CLDND2: variants seen among roughly 807,000 people sequenced by gnomAD.
CLDND2 encodes claudin domain containing 2, also known as claudin domain-containing protein 2.
In CLDND2, 18 loss-of-function variants were observed where a neutral mutation model predicts 17.7. The ratio of observed to expected loss-of-function variants is 1.02; its 90% CI spans 0.70 to 1.51. The LOEUF (loss-of-function observed/expected upper bound fraction) is 1.51. Ranked by LOEUF, CLDND2 falls within the 40% of genes most tolerant of loss-of-function variation. The pLI, the probability that CLDND2 is intolerant of heterozygous loss-of-function variation, is 0.00. For missense variants in CLDND2, 233 were observed against 219.6 expected (o/e 1.06, Z -0.39); for synonymous variants, 113 against 93.0 (o/e 1.22, Z -1.24).
rs1481910306 is a variant in CLDND2 at position 51,367,122 on chromosome 19, C to T, written c.*20G>A. The T allele has an allele frequency of 1.2e-6, 2 of 1,613,380 alleles. No homozygotes were observed. The highest frequency in any genetic ancestry group is 1.3e-5 in the African/African-American group (1 of 74,910). On this transcript the variant is annotated 3_prime_UTR_variant, in exon 4 of 4. Coordinates refer to ENST00000291715, the MANE Select transcript of CLDND2 (RefSeq NM_152353.3). The surrounding 1 kb of genome is among the most constrained non-coding windows in gnomAD (Gnocchi z 7.4). ...CGCTAAAAAAAGCCGTTCCTTTATT[C>T]TGCCCCAGGCAGGCTGCAGTCACAG...
Position 51,367,322 on chromosome 19 carries a change from G to A in CLDND2, c.431-107C>T. ...TGGGGCTCCAAGGGGGTCTCTGCCG[G>A]GTCTGCGGGAGTCGTTAGTGTGTTG... is the stretch of plus-strand genomic sequence containing the variant. On this transcript the variant is annotated intron_variant, in intron 3 of 3. Transcript: ENST00000291715. The surrounding 1 kb of genome is among the most constrained non-coding windows in gnomAD (Gnocchi z 7.4). 7.1e-7 allele frequency: 1 copy of A among 1,401,668 alleles called. No homozygotes were observed. The highest frequency in any genetic ancestry group is 1.0e-6 in the Non-Finnish European group (1 of 1,002,180). The allele number at this position is 1,401,668 out of a possible 1,614,324, so 86.8% of individuals were successfully genotyped here. A position where few individuals can be genotyped will look rare whatever the true frequency, so the allele number is the denominator to read the frequency against.
In CLDND2 at chr19:51,368,571, C is replaced by T. The variant is rs1351339775; in HGVS notation, c.7G>A (p.Val3Met). The T allele has an allele frequency of 3.1e-6, 5 of 1,612,420 alleles. No homozygotes were observed. Among genetic ancestry groups the T allele is most frequent in the Non-Finnish European group, 4.2e-6 (5 of 1,179,534 alleles). MG[V>M]KRSLQSGGIL... ...CCCCCACTCTGGAGGCTCCGCTTCA[C>T]CCCCATGCCACTGAGGCTGCAGCCG... The change falls in exon 1 of 4, where the codon GTG becomes ATG. Residue 3 changes from valine (V) to methionine (M), a missense_variant. By Grantham distance (21) the Val-to-Met change is conservative. Transcript: ENST00000291715.
chr19:51,367,011 G>T (rs1986412550), downstream of CLDND2: 1 of 807,496 alleles, frequency 1.2e-6, no homozygotes, highest in Non-Finnish European at 2.2e-6. The surrounding 1 kb of genome is among the most constrained non-coding windows in gnomAD (Gnocchi z 7.4). Flanking sequence ...TTCCCTATGA[G>T]TTCATGTCCT....
chr19:51,368,141 G>C, intron 1 of CLDND2, 115 bp from the exon 2 acceptor site: 1 of 1,180,030 alleles, frequency 8.5e-7, no homozygotes, highest in African/African-American at 1.5e-5. Context: ...GCCAGGAGCC[G>C]AGCTCCACCG....
In CLDND2 at chr19:51,368,483, G is replaced by C. The variant is rs34633086; in HGVS notation, c.95C>G (p.Thr32Ser). ...GCCACTGTGGCCCTCTTGTTGGCGG[G>C]TCCAGTAGTTGGTGGCCGTGGAGAG... is the stretch of plus-strand genomic sequence containing the variant. ...MVLSTATNYW[T>S]RQQEGHSGLW... The change falls in exon 1 of 4, where the codon ACC becomes AGC. Residue 32 changes from threonine (T) to serine (S), a missense_variant. Transcript: ENST00000291715. 9 of 1,614,160 alleles carry C rather than the reference G, an allele frequency of 5.6e-6. No individual in the cohort carries two copies. Among genetic ancestry groups the C allele is most frequent in the Non-Finnish European group, 7.6e-6 (9 of 1,180,028 alleles).
At chr19:51,368,065 C>G in intron 1 of CLDND2, 39 bp from the exon 2 acceptor site, 1 of 1,560,908 alleles carries the variant, frequency 6.4e-7, no homozygotes, top group South Asian at 1.2e-5. Context: ...CGGGCGCCGC[C>G]CCAGTCACTA....
At position 51,367,731 on chromosome 19, in the gene CLDND2, ACT is replaced by A. The variant is rs1247552855; in HGVS notation, c.310+153_310+154del. 14 of 983,670 alleles carry A rather than the reference ACT, an allele frequency of 1.4e-5. No homozygotes were observed. The highest frequency in any genetic ancestry group is 1.7e-5 in the Non-Finnish European group (14 of 829,326). 60.9% of individuals were successfully genotyped at this position (983,670 alleles called of 1,614,324 possible). On this transcript the variant is annotated intron_variant, in intron 2 of 3. Coordinates refer to ENST00000291715, the MANE Select transcript of CLDND2 (RefSeq NM_152353.3). This position sits in a 1 kb window ranked among gnomAD's most constrained non-coding sequence, Gnocchi z 7.4. Reference sequence around the variant, plus strand: ...CCCCTTCCTGCTCCTCCCGCTCTGAACTCTGTCTCGAGCCCCGCCCACCTCTC... The same window carrying A: ...CCCCTTCCTGCTCCTCCCGCTCTGAACTGTCTCGAGCCCCGCCCACCTCTC...
Position 51,367,778 on chromosome 19 carries a change from C to T in CLDND2, c.310+108G>A, listed in dbSNP as rs113434256. 13,331 of 1,494,126 alleles carry T rather than the reference C, an allele frequency of 8.9e-3. 956 individuals carry two copies. The African/African-American group carries it at 0.16, about 18-fold the overall frequency. 92.6% of individuals were successfully genotyped at this position (1,494,126 alleles called of 1,614,324 possible). A position where few individuals can be genotyped will look rare whatever the true frequency, so the allele number is the denominator to read the frequency against. ...CCTCTCTCGGCTTCTTCCAGCCCTG[C>T]CCCTCGGATCCTGGCCGAGTACCTC... is the stretch of plus-strand genomic sequence containing the variant. On this transcript the variant is annotated intron_variant, in intron 2 of 3. Coordinates refer to ENST00000291715, the MANE Select transcript of CLDND2 (RefSeq NM_152353.3). The surrounding 1 kb of genome is among the most constrained non-coding windows in gnomAD (Gnocchi z 7.4).
chr19:51,367,586 G>A lies in CLDND2; in HGVS notation c.311-10C>T. The A allele has an allele frequency of 1.9e-6, 3 of 1,608,112 alleles. No homozygotes were observed. On this transcript the variant is annotated splice_polypyrimidine_tract_variant and intron_variant, in intron 2 of 3. Transcript: ENST00000291715. This position sits in a 1 kb window ranked among gnomAD's most constrained non-coding sequence, Gnocchi z 7.4. ...GTCAGCAGCAGCAGTCCTGGGCCCCGCCCAGCCGCAAGATGAGCTAGCTGG... is the reference window on the plus strand; with the variant it reads ...GTCAGCAGCAGCAGTCCTGGGCCCCACCCAGCCGCAAGATGAGCTAGCTGG...
At position 51,368,371 on chromosome 19, in the gene CLDND2, T is replaced by G. The variant is rs375764313; in HGVS notation, c.169+38A>C. ...CTGTGTGTCCCGAGCCCTGGGGGTC[T>G]GAAATGCCCTCTGACATCTGGGCGG... On this transcript the variant is annotated intron_variant, in intron 1 of 3. Coordinates refer to ENST00000291715, the MANE Select transcript of CLDND2 (RefSeq NM_152353.3). 2.7e-4 allele frequency: 426 copies of G among 1,580,804 alleles called. 5 individuals are homozygous for G. In the South Asian group the frequency reaches 4.7e-3, roughly 18 times the overall value.
chr19:51,366,935 T>A (rs1189152418), downstream of CLDND2, among the ~76,000 whole-genome samples: 5 of 151,666 alleles, frequency 3.3e-5, no homozygotes, highest in African/African-American at 4.8e-5. Flanking sequence ...CCCTCCCACA[T>A]GTCCCTGTTC....
Position 51,367,130 on chromosome 19 carries a change from G to A in CLDND2, c.*12C>T. ...AAAGCCGTTCCTTTATTCTGCCCCA[G>A]GCAGGCTGCAGTCACAGACACACGG... On this transcript the variant is annotated 3_prime_UTR_variant, in exon 4 of 4. Coordinates refer to ENST00000291715, the MANE Select transcript of CLDND2 (RefSeq NM_152353.3). The surrounding 1 kb of genome is among the most constrained non-coding windows in gnomAD (Gnocchi z 7.4). The A allele has an allele frequency of 6.2e-7, 1 of 1,613,820 alleles. No homozygotes were observed.
chr19:51,367,336 G>T lies in CLDND2; in HGVS notation c.430+121C>A. On this transcript the variant is annotated intron_variant, in intron 3 of 3. Transcript: ENST00000291715. This position sits in a 1 kb window ranked among gnomAD's most constrained non-coding sequence, Gnocchi z 7.4. Reference sequence around the variant, plus strand: ...GGTCTCTGCCGGGTCTGCGGGAGTCGTTAGTGTGTTGGGGAGTCCCCGAGA... The same window carrying T: ...GGTCTCTGCCGGGTCTGCGGGAGTCTTTAGTGTGTTGGGGAGTCCCCGAGA... The T allele has an allele frequency of 7.3e-7, 1 of 1,371,422 alleles. No individual in the cohort carries two copies. The highest frequency in any genetic ancestry group is 1.0e-6 in the Non-Finnish European group (1 of 978,476). The allele number at this position is 1,371,422 out of a possible 1,614,324, so 85.0% of individuals were successfully genotyped here. A position where few individuals can be genotyped will look rare whatever the true frequency, so the allele number is the denominator to read the frequency against.
Position 51,367,113 on chromosome 19 carries a change from TC to T in CLDND2, c.*28del, listed in dbSNP as rs1267991046. The T allele has an allele frequency of 6.2e-7, 1 of 1,611,682 alleles. No individual in the cohort carries two copies. The highest frequency in any genetic ancestry group is 1.7e-5 in the Admixed American group (1 of 60,000). ...GAGCCGCAGCGCTAAAAAAAGCCGT[TC>T]CTTTATTCTGCCCCAGGCAGGCTGC... is the stretch of plus-strand genomic sequence containing the variant. On this transcript the variant is annotated 3_prime_UTR_variant, in exon 4 of 4. Coordinates refer to ENST00000291715, the MANE Select transcript of CLDND2 (RefSeq NM_152353.3). This position sits in a 1 kb window ranked among gnomAD's most constrained non-coding sequence, Gnocchi z 7.4.
Position 51,367,402 on chromosome 19 carries a change from G to T in CLDND2, c.430+55C>A. On this transcript the variant is annotated intron_variant, in intron 3 of 3. Transcript: ENST00000291715. The surrounding 1 kb of genome is among the most constrained non-coding windows in gnomAD (Gnocchi z 7.4). ...CTGGGAGGGCAGCTGGGGAGCCTCT[G>T]GGGTGAGGGTCTTCTGGGCAGTCTC... 1 of 1,531,426 alleles carries T rather than the reference G, an allele frequency of 6.5e-7. No homozygotes were observed. The highest frequency in any genetic ancestry group is 1.2e-5 in the South Asian group (1 of 85,838). 94.9% of individuals were successfully genotyped at this position (1,531,426 alleles called of 1,614,324 possible). A position where few individuals can be genotyped will look rare whatever the true frequency, so the allele number is the denominator to read the frequency against.
chr19:51,368,107 C>T, intron 1 of CLDND2, 81 bp from the exon 2 acceptor site: 2 of 1,425,090 alleles, frequency 1.4e-6, no homozygotes, highest in Non-Finnish European at 1.9e-6. Context: ...GCTCTCCCGT[C>T]TCCTGCCCCC....
In CLDND2 at chr19:51,367,620, G is replaced by A. The variant is rs1316345193; in HGVS notation, c.311-44C>T. 1.1e-5 allele frequency: 17 copies of A among 1,589,526 alleles called. No homozygotes were observed. The East Asian group carries it at 3.4e-4, about 32-fold the overall frequency. The stretch of plus-strand genomic sequence containing the variant: ...CAAGATGAGCTAGCTGGGCCTGGTG[G>A]GGGCTGCACCCAGGCCACGCCCCTT... On this transcript the variant is annotated intron_variant, in intron 2 of 3. Transcript: ENST00000291715. This position sits in a 1 kb window ranked among gnomAD's most constrained non-coding sequence, Gnocchi z 7.4.
chr19:51,368,022 C>T lies in CLDND2; in HGVS notation c.174G>A (p.Thr58=). Residue 58 remains threonine (T), a synonymous_variant, in exon 2 of 4, where the codon ACG becomes ACA. Transcript: ENST00000291715. ...GICSSIPCQT[T]LAVTVACMVL... is the part of the protein sequence containing the mutation. ...CCATGCACGCCACAGTCACCGCCAG[C>T]GTGGCTGGGGAGAGCGGGCGCATCA... 1 of 1,608,014 alleles carries T rather than the reference C, an allele frequency of 6.2e-7. No homozygotes were observed. Among genetic ancestry groups the T allele is most frequent in the Non-Finnish European group, 8.5e-7 (1 of 1,177,812 alleles).
In CLDND2 at chr19:51,367,709, C is replaced by T. The variant is rs529698669; in HGVS notation, c.311-133G>A. 1.1e-5 allele frequency: 17 copies of T among 1,484,278 alleles called. No homozygotes were observed. The South Asian group carries it at 1.5e-4, about 13-fold the overall frequency. 91.9% of individuals were successfully genotyped at this position (1,484,278 alleles called of 1,614,324 possible). On this transcript the variant is annotated intron_variant, in intron 2 of 3. Transcript: ENST00000291715. This position sits in a 1 kb window ranked among gnomAD's most constrained non-coding sequence, Gnocchi z 7.4. ...CTCAGCCCGCCCCTGGCCCAGGCCC[C>T]TTCCTGCTCCTCCCGCTCTGAACTC...
Sources: gnomAD v4.1 joint callset for allele counts (sites outside exome capture counted in the v4.1 genomes callset) on GRCh38, gnomAD v4.1.1 for gene constraint, Gnocchi (gnomAD v3.1) non-coding constraint, MANE v1.5 for transcripts, NCBI Gene and HGNC (gene_info 2026-07-23, HGNC 2026-07-21) for gene names.